PLEKHA7: variants seen among roughly 807,000 people sequenced by gnomAD.
PLEKHA7 encodes pleckstrin homology domain-containing family A member 7.
A neutral mutation model predicts 170.0 loss-of-function variants in PLEKHA7; 104 were observed. The ratio of observed to expected loss-of-function variants is 0.61; its 90% CI spans 0.52 to 0.72. The LOEUF is 0.72. Among genes scored for constraint, PLEKHA7 ranks in the 30% least tolerant of loss-of-function variants. The pLI is 0.00. For synonymous variants in PLEKHA7, 648 were observed against 660.8 expected (o/e 0.98, Z 0.30); for missense variants, 1,615 against 1,671.7 (o/e 0.97, Z 0.59).
chr11:16,794,544 G>T lies in PLEKHA7; in HGVS notation c.2689C>A (p.Gln897Lys). The T allele has an allele frequency of 2.5e-6, 4 of 1,613,982 alleles. No homozygotes were observed. The highest frequency in any genetic ancestry group is 3.4e-6 in the Non-Finnish European group (4 of 1,180,004). The change falls in exon 19 of 27, where the codon CAG (glutamine) becomes AAG (lysine). Residue 897 changes from glutamine (Q) to lysine (K), a missense_variant. Gln to Lys is a moderately conservative substitution (Grantham distance 53, BLOSUM62 1). Coordinates refer to ENST00000531066, the MANE Select transcript of PLEKHA7 (RefSeq NM_001329630.2). Reference protein sequence around the residue: ...TYVPYRPHPPQLRKVTSPLQS... With the variant: ...TYVPYRPHPPKLRKVTSPLQS... ...AGGGGGGATGTCACTTTCCTCAGCT[G>T]GGGTGGGTGAGGTCGGTACGGCACG...
intron 9 of PLEKHA7, among the ~76,000 whole-genome samples, chr11:16,835,434 C>T (rs944574205): frequency 6.6e-6 from 1 of 152,156 alleles, no homozygotes; most frequent in African/African-American, 2.4e-5. Context: ...GAGATGAGTA[C>T]ATCCTGGCAG....
In PLEKHA7 at chr11:16,791,037, C is replaced by G; in HGVS notation, c.2908G>C (p.Gly970Arg). 3 of 1,614,126 alleles carry G rather than the reference C, an allele frequency of 1.9e-6. No homozygotes were observed. Among genetic ancestry groups the G allele is most frequent in the East Asian group, 2.2e-5 (1 of 44,856 alleles). The change falls in exon 20 of 27, where the codon GGG (glycine) becomes CGG (arginine). Residue 970 changes from glycine to arginine, a missense_variant. By Grantham distance (125) the Gly-to-Arg change is moderately radical. Coordinates refer to ENST00000531066, the MANE Select transcript of PLEKHA7 (RefSeq NM_001329630.2). The surrounding 1 kb of genome is among the most constrained non-coding windows in gnomAD (Gnocchi z 4.5). ...CTGGAATCCCCATTCACACACTGCC[C>G]CAGCTCCCGGTCTCGCTTCCTCTCG... Reference protein sequence around the residue: ...SDERKRDRELGQCVNGDSRVE... With the variant: ...SDERKRDRELRQCVNGDSRVE...
rs542163903 is a variant in PLEKHA7 at position 16,891,773 on chromosome 11, G to C, written c.222-20591C>G. Among the ~76,000 whole-genome samples the C allele has an allele frequency of 7.9e-5, 12 of 152,296 alleles. No individual in the cohort carries two copies. In the South Asian group the frequency reaches 2.5e-3, roughly 32 times the overall value. ...CTGCAGGCCAGAGGAGAAAGCTGGA[G>C]GAAGTCCAGGAGAGACAGACCAGGG... On this transcript the variant is annotated intron_variant, in intron 3 of 26. Coordinates refer to ENST00000531066, the MANE Select transcript of PLEKHA7 (RefSeq NM_001329630.2).
At chr11:16,983,071 A>T (rs905526857) in intron 3 of PLEKHA7, among the ~76,000 whole-genome samples, 2 of 152,224 alleles carry the variant, frequency 1.3e-5, no homozygotes, top group Non-Finnish European at 2.9e-5. Context: ...AGAACTGAAC[A>T]GAGCCTCTTG....
chr11:17,000,799 G>A (rs2137037297), intron 3 of PLEKHA7, among the ~76,000 whole-genome samples: 1 of 152,338 alleles, frequency 6.6e-6, no homozygotes, highest in East Asian at 1.9e-4. Context: ...TAAAAGCAGA[G>A]TGAGGATTTC....
intron 3 of PLEKHA7, among the ~76,000 whole-genome samples, chr11:16,901,381 G>A (rs1448164452): frequency 1.3e-5 from 2 of 152,168 alleles, no homozygotes; most frequent in Non-Finnish European, 2.9e-5. Flanking sequence ...TTACTATAGT[G>A]AAGACAAACT....
At chr11:16,905,189 G>A (rs1271796067) in intron 3 of PLEKHA7, among the ~76,000 whole-genome samples, 1 of 152,112 alleles carries the variant, frequency 6.6e-6, no homozygotes, top group Non-Finnish European at 1.5e-5. Flanking sequence ...GAAATCGAGG[G>A]TGCAGTAAGC....
chr11:16,892,424 GTGTGTGTGTGTTTTGTTT>G (rs1856688031), intron 3 of PLEKHA7, among the ~76,000 whole-genome samples: 1 of 109,942 alleles, frequency 9.1e-6, no homozygotes, highest in African/African-American at 3.2e-5. Flanking sequence ...GTGTGTGTGT[GTGTGTGTGTGTTTTGTTT>G]TGTTTTGTTT....
intron 8 of PLEKHA7, among the ~76,000 whole-genome samples, chr11:16,843,613 T>C (rs1211950147): frequency 6.6e-6 from 1 of 152,204 alleles, no homozygotes; most frequent in African/African-American, 2.4e-5. Flanking sequence ...GAAGGATTCC[T>C]TCTATTTTAA....
At chr11:16,805,789 C>CAAAA (rs11339921) in intron 13 of PLEKHA7, among the ~76,000 whole-genome samples, 4 of 111,196 alleles carry the variant, frequency 3.6e-5, no homozygotes, top group Non-Finnish European at 3.7e-5. Flanking sequence ...GACTCCATGT[C>CAAAA]AAAAAAAAAA....
chr11:16,864,898 T>C (rs945759556), intron 4 of PLEKHA7, among the ~76,000 whole-genome samples: 4 of 152,188 alleles, frequency 2.6e-5, no homozygotes, highest in African/African-American at 9.7e-5. Flanking sequence ...TGTATGCCTA[T>C]AGCTTTCACC....
At chr11:17,000,078 A>T (rs779510805) in intron 3 of PLEKHA7, among the ~76,000 whole-genome samples, 1 of 151,820 alleles carries the variant, frequency 6.6e-6, no homozygotes, top group Non-Finnish European at 1.5e-5. Context: ...AGTACAAGAA[A>T]CCTGTCTTTG....
intron 3 of PLEKHA7, among the ~76,000 whole-genome samples, chr11:17,005,942 T>C (rs1439219785): frequency 6.6e-6 from 1 of 152,230 alleles, no homozygotes; most frequent in Non-Finnish European, 1.5e-5. Flanking sequence ...TAACCTTCAA[T>C]GAGGGGGTTC....
At chr11:16,808,859 G>C (rs1297995182) in intron 13 of PLEKHA7, among the ~76,000 whole-genome samples, 2 of 152,226 alleles carry the variant, frequency 1.3e-5, no homozygotes, top group Non-Finnish European at 2.9e-5. Flanking sequence ...CGACTTTAGA[G>C]TGGGCAAAGC....
intron 3 of PLEKHA7, among the ~76,000 whole-genome samples, chr11:16,983,553 G>A (rs1039829031): frequency 6.6e-6 from 1 of 152,186 alleles, no homozygotes; most frequent in African/African-American, 2.4e-5. Flanking sequence ...TCATAGGGCT[G>A]CTGATGTGGC....
rs374739549 is a variant in PLEKHA7, at chr11:16,906,630, A to G, written c.222-35448T>C. The stretch of plus-strand genomic sequence containing the variant: ...AGTCGCGTTCACTCACTCAGTGTTC[A>G]GTGGTGCCCAGGCTGGAGTGCAGTG... On this transcript the variant is annotated intron_variant, in intron 3 of 26. Coordinates refer to ENST00000531066, the MANE Select transcript of PLEKHA7 (RefSeq NM_001329630.2). Among the ~76,000 whole-genome samples, 21 of 138,610 alleles carry G rather than the reference A, an allele frequency of 1.5e-4. 2 individuals carry two copies. The highest frequency in any genetic ancestry group is 6.7e-4 in the African/African-American group (21 of 31,228). 90.9% of individuals were successfully genotyped at this position (138,610 alleles called of 152,430 possible). A position where few individuals can be genotyped will look rare whatever the true frequency, so the allele number is the denominator to read the frequency against.
chr11:16,927,930 C>T lies in PLEKHA7; in HGVS notation c.222-56748G>A, dbSNP rs1042315368. On this transcript the variant is annotated intron_variant, in intron 3 of 26. Transcript: ENST00000531066. ...AACTTTTAAAATGATATTTTAAATACTTACTGTTGAATAAAACAAAATGTT... is the reference window on the plus strand; with the variant it reads ...AACTTTTAAAATGATATTTTAAATATTTACTGTTGAATAAAACAAAATGTT... Among the ~76,000 whole-genome samples, 3 of 151,468 alleles carry T rather than the reference C, an allele frequency of 2.0e-5. No homozygotes were observed. In the South Asian group the frequency reaches 6.3e-4, roughly 32 times the overall value.
At chr11:17,007,189 A>C (rs1464341131) in intron 3 of PLEKHA7, among the ~76,000 whole-genome samples, 3 of 152,294 alleles carry the variant, frequency 2.0e-5, no homozygotes, top group East Asian at 1.9e-4. Flanking sequence ...GGTGGTGGCA[A>C]CTCCTAGCAT....
chr11:16,875,985 C>G (rs910741912), intron 3 of PLEKHA7, among the ~76,000 whole-genome samples: 5 of 150,468 alleles, frequency 3.3e-5, no homozygotes, highest in African/African-American at 4.8e-5. Flanking sequence ...ACACCACCAC[C>G]CTTTTGATCT....
Sources: allele counts gnomAD v4.1 joint callset (sites outside exome capture counted in the v4.1 genomes callset), GRCh38; gene constraint gnomAD v4.1.1; non-coding constraint Gnocchi (gnomAD v3.1); transcripts MANE v1.5; gene names NCBI Gene and HGNC (gene_info 2026-07-23, HGNC 2026-07-21).